The following PALM2AKAP2 variants were observed in gnomAD, a reference collection of about 807,000 sequenced individuals.
PALM2AKAP2 encodes the protein PALM2 and AKAP2 fusion.
PALM2AKAP2 carries 37 observed loss-of-function variants against 71.5 expected under a neutral mutation model. The observed-to-expected ratio is 0.52, with a 90% CI of 0.40 to 0.68. The LOEUF (loss-of-function observed/expected upper bound fraction) is 0.68. PALM2AKAP2 is among the 30% of genes least tolerant of loss of function. PALM2AKAP2 has a pLI of 0.00. For synonymous variants in PALM2AKAP2, 468 were observed against 478.8 expected (o/e 0.98, Z 0.29); for missense variants, 1,224 against 1,191.8 (o/e 1.03, Z -0.40).
intron 3 of PALM2AKAP2, among the ~76,000 whole-genome samples, chr9:110,166,503 C>A (rs543544145): frequency 6.6e-6 from 1 of 152,354 alleles, no homozygotes; most frequent in African/African-American, 2.4e-5. Flanking sequence ...ACACATTAGA[C>A]TATTAGAAAA....
At chr9:109,655,773 C>A (rs1363750304) in intron 1 of PALM2AKAP2, among the ~76,000 whole-genome samples, 1 of 152,124 alleles carries the variant, frequency 6.6e-6, no homozygotes, top group Non-Finnish European at 1.5e-5. Context: ...AATTTTATTC[C>A]TTTTTAAGGC....
intron 1 of PALM2AKAP2, among the ~76,000 whole-genome samples, chr9:109,810,349 A>C (rs1827695601): frequency 6.6e-6 from 1 of 152,202 alleles, no homozygotes. Context: ...GGAAATGAAA[A>C]TAAGAAGGGC....
intron 1 of PALM2AKAP2, among the ~76,000 whole-genome samples, chr9:109,661,563 G>A (rs1265954321): frequency 6.6e-6 from 1 of 152,250 alleles, no homozygotes; most frequent in African/African-American, 2.4e-5. Context: ...TTTGGTTACT[G>A]CAGCCTTGTA....
At chr9:109,916,590 T>G (rs1466544567) in intron 3 of PALM2AKAP2, among the ~76,000 whole-genome samples, 1 of 152,254 alleles carries the variant, frequency 6.6e-6, no homozygotes, top group Admixed American at 6.5e-5. Context: ...CTGTCTCCTC[T>G]GCCTGGCTCA....
chr9:109,898,261 A>G (rs1225548998), intron 3 of PALM2AKAP2, among the ~76,000 whole-genome samples: 1 of 152,218 alleles, frequency 6.6e-6, no homozygotes, highest in Non-Finnish European at 1.5e-5. Flanking sequence ...AGCAACATCA[A>G]GGTCAAGCTC....
intron 1 of PALM2AKAP2, among the ~76,000 whole-genome samples, chr9:110,099,189 G>A (rs943729531): frequency 3.3e-5 from 5 of 152,210 alleles, no homozygotes; most frequent in African/African-American, 1.2e-4. Context: ...AAGAAGAGAG[G>A]AATGCCTTAG....
intron 6 of PALM2AKAP2, among the ~76,000 whole-genome samples, chr9:110,006,324 CT>C (rs1220929073): frequency 9.8e-5 from 10 of 102,100 alleles, no homozygotes; most frequent in African/African-American, 3.9e-4. Flanking sequence ...TTCCTTCCTT[CT>C]CTTTCTTTCT....
chr9:109,843,917 CAAG>C (rs1374792871), intron 1 of PALM2AKAP2, among the ~76,000 whole-genome samples: 3 of 152,220 alleles, frequency 2.0e-5, no homozygotes, highest in Admixed American at 6.5e-5. Flanking sequence ...GCCAGACAGC[CAAG>C]AAGGAGACGC....
intron 1 of PALM2AKAP2, among the ~76,000 whole-genome samples, chr9:109,725,011 A>C (rs1326081058): frequency 2.0e-5 from 3 of 152,362 alleles, no homozygotes; most frequent in Non-Finnish European, 2.9e-5. Flanking sequence ...CAAAGTAAAC[A>C]ATCATTATGA....
chr9:109,874,427 C>A (rs1477953661), intron 2 of PALM2AKAP2, among the ~76,000 whole-genome samples: 1 of 152,128 alleles, frequency 6.6e-6, no homozygotes, highest in Admixed American at 6.6e-5. Flanking sequence ...CGGTGTGATA[C>A]CATGGATAAG....
intron 1 of PALM2AKAP2, among the ~76,000 whole-genome samples, chr9:109,736,265 C>T (rs377664257): frequency 4.1e-4 from 63 of 151,906 alleles, no homozygotes; most frequent in African/African-American, 4.6e-4. Flanking sequence ...TATGCATGTA[C>T]GTATAAACAC....
At chr9:109,851,125 C>T (rs1283757358) in intron 1 of PALM2AKAP2, among the ~76,000 whole-genome samples, 36 of 151,492 alleles carry the variant, frequency 2.4e-4, no homozygotes, top group Non-Finnish European at 1.6e-4. Context: ...TGCAGTGAGC[C>T]GAGATAGCGC....
At position 110,051,930 on chromosome 9, in the gene PALM2AKAP2, T is replaced by C. The variant is rs1163942807; in HGVS notation, c.156+3075T>C. Among the ~76,000 whole-genome samples the C allele has an allele frequency of 4.1e-5, 6 of 148,134 alleles. No homozygotes were observed. In the East Asian group the frequency reaches 1.2e-3, roughly 29 times the overall value. ...CCTTTTTTTTTTTTTTGAAATGGAG[T>C]CTTTCTCTGTTGCTTGGGCTGGAAT... On this transcript the variant is annotated intron_variant, in intron 1 of 3. Transcript: ENST00000374525.
chr9:110,087,293 A>T (rs140597313), intron 1 of PALM2AKAP2, among the ~76,000 whole-genome samples: 10 of 152,170 alleles, frequency 6.6e-5, no homozygotes, highest in Admixed American at 6.5e-4. Flanking sequence ...TCTTAATACT[A>T]TTAATGTGTC....
chr9:109,736,022 T>A (rs1042195118), intron 1 of PALM2AKAP2, among the ~76,000 whole-genome samples: 10 of 152,202 alleles, frequency 6.6e-5, no homozygotes, highest in Non-Finnish European at 2.9e-5. Flanking sequence ...TGTCCCAGCA[T>A]AAGAAAGTTG....
intron 3 of PALM2AKAP2, among the ~76,000 whole-genome samples, chr9:110,166,668 T>C (rs1400975777): frequency 2.0e-5 from 3 of 152,170 alleles, no homozygotes; most frequent in Admixed American, 6.5e-5. Context: ...TAACAATGCA[T>C]CATTCATTCA....
chr9:109,658,728 A>G (rs1827345445), intron 1 of PALM2AKAP2, among the ~76,000 whole-genome samples: 1 of 152,212 alleles, frequency 6.6e-6, no homozygotes, highest in Non-Finnish European at 1.5e-5. Flanking sequence ...GCCAAGTGAA[A>G]GGGATTTCCC....
intron 1 of PALM2AKAP2, among the ~76,000 whole-genome samples, chr9:109,764,028 A>G (rs1829104353): frequency 6.6e-6 from 1 of 152,174 alleles, no homozygotes; most frequent in Non-Finnish European, 1.5e-5. Context: ...GGACTTGGAC[A>G]GATCTTTTGG....
rs150521438 is a variant in PALM2AKAP2, at chr9:110,120,964, C to A, written c.157-15163C>A. Among the ~76,000 whole-genome samples the A allele has an allele frequency of 3.9e-5, 6 of 152,190 alleles. No individual in the cohort carries two copies. The East Asian group carries it at 1.2e-3, about 29-fold the overall frequency. The stretch of plus-strand genomic sequence containing the variant: ...TATTTCTAACAGGAATAAATGAGAT[C>A]ATAGTGCATGACATAGCTGAGGGGT... On this transcript the variant is annotated intron_variant, in intron 1 of 3. Coordinates refer to ENST00000374525, the Ensembl canonical transcript of PALM2AKAP2.
Sources: allele counts gnomAD v4.1 joint callset (sites outside exome capture counted in the v4.1 genomes callset), GRCh38; gene constraint gnomAD v4.1.1; transcripts MANE v1.5; gene names NCBI Gene and HGNC (gene_info 2026-07-23, HGNC 2026-07-21).